Variants in SUSD1 observed in about 807,000 individuals in gnomAD.
The protein encoded by SUSD1 is sushi domain containing 1.
A neutral mutation model predicts 86.9 loss-of-function variants in SUSD1; 65 were observed. That is an observed-to-expected ratio of 0.75 (90% CI 0.61 to 0.92). SUSD1 has a LOEUF of 0.92. Ranked by LOEUF, SUSD1 falls within the 40% of genes least tolerant of loss-of-function variation. SUSD1 has a pLI of 0.00. For synonymous variants in SUSD1, 346 were observed against 350.0 expected (o/e 0.99, Z 0.13); for missense variants, 850 against 929.7 (o/e 0.91, Z 1.11).
chr9:112,133,515 T>C (rs894444076), intron 5 of SUSD1, among the ~76,000 whole-genome samples: 1 of 152,210 alleles, frequency 6.6e-6, no homozygotes, highest in Non-Finnish European at 1.5e-5. Context: ...GCTAGCCATA[T>C]GCAGAAGAAT....
intron 12 of SUSD1, among the ~76,000 whole-genome samples, chr9:112,069,503 C>T (rs73532417): frequency 0.011 from 1,606 of 152,280 alleles, 28 homozygotes; most frequent in African/African-American, 0.037. Flanking sequence ...CCCCTGGGAA[C>T]GTACCCCTTC....
At chr9:112,047,472 G>A (rs1193334119) in intron 15 of SUSD1, among the ~76,000 whole-genome samples, 1 of 152,164 alleles carries the variant, frequency 6.6e-6, no homozygotes, top group Non-Finnish European at 1.5e-5. Flanking sequence ...TGGAGAAGAA[G>A]CTGCTTCCAA....
At chr9:112,088,699 G>A (rs758880476) in intron 10 of SUSD1, among the ~76,000 whole-genome samples, 8 of 152,186 alleles carry the variant, frequency 5.3e-5, no homozygotes, top group Non-Finnish European at 1.2e-4. Flanking sequence ...GGCTGAGGTC[G>A]GAGGATCACT....
rs536738147 is a variant in SUSD1, at chr9:112,098,575, C to G, written c.1369G>C (p.Val457Leu). The G allele has an allele frequency of 6.2e-7, 1 of 1,614,086 alleles. No individual in the cohort carries two copies. Among genetic ancestry groups the G allele is most frequent in the Non-Finnish European group, 8.5e-7 (1 of 1,180,036 alleles). Reference protein sequence around the residue: ...NFTTREQVPVVCLDLYPTTDY... With the variant: ...NFTTREQVPVLCLDLYPTTDY... The stretch of plus-strand genomic sequence containing the variant: ...GTCGTAGGGTACAGATCCAAACACA[C>G]TACAGGCACTTGTTCCCTCGTTGTG... Residue 457 changes from valine to leucine, a missense_variant, in exon 10 of 17, where the codon GTG becomes CTG. Transcript: ENST00000374270.
rs1833277511 is a variant in SUSD1, at chr9:112,155,838, TGAA to T, written c.217+1659_217+1661del. ...GGGAAGAAGAAAAGGAAGAAGAGAA[TGAA>T]GAAGAAGAGGAAGAAGAATAAGAGG... On this transcript the variant is annotated intron_variant, in intron 2 of 16. Transcript: ENST00000374270. Among the ~76,000 whole-genome samples, 3 of 136,078 alleles carry T rather than the reference TGAA, an allele frequency of 2.2e-5. No individual in the cohort carries two copies. In the Admixed American group the frequency reaches 2.4e-4, roughly 11 times the overall value. 89.3% of individuals were successfully genotyped at this position (136,078 alleles called of 152,430 possible). A position where few individuals can be genotyped will look rare whatever the true frequency, so the allele number is the denominator to read the frequency against.
intron 11 of SUSD1, among the ~76,000 whole-genome samples, chr9:112,079,051 T>A (rs1829653211): frequency 6.6e-6 from 1 of 151,920 alleles, no homozygotes; most frequent in Non-Finnish European, 1.5e-5. Context: ...TGAGCTCTAG[T>A]GATCTGCCAC....
intron 2 of SUSD1, among the ~76,000 whole-genome samples, chr9:112,153,597 G>A (rs1454935947): frequency 6.7e-6 from 1 of 149,416 alleles, no homozygotes; most frequent in Non-Finnish European, 1.5e-5. Context: ...TCATTTTCAA[G>A]TATTACATAC....
At chr9:112,109,286 TTCCAGAGGGAAAAA>T (rs1830989228) in intron 8 of SUSD1, among the ~76,000 whole-genome samples, 1 of 152,148 alleles carries the variant, frequency 6.6e-6, no homozygotes, top group Admixed American at 6.5e-5. Flanking sequence ...ATATAAAGTA[TTCCAGAGGGAAAAA>T]CAATGGAAAA....
At chr9:112,117,226 A>G (rs966031254) in intron 6 of SUSD1, among the ~76,000 whole-genome samples, 3 of 152,224 alleles carry the variant, frequency 2.0e-5, no homozygotes, top group Admixed American at 6.5e-5. Context: ...CTAGCCAAGA[A>G]GGGCCTGGAG....
rs1260042854 is a variant in SUSD1 at position 112,174,875 on chromosome 9, C to T, written c.103+258G>A. 2.0e-5 allele frequency among the ~76,000 whole-genome samples: 3 copies of T among 151,878 alleles called. No homozygotes were observed. The East Asian group carries it at 5.8e-4, about 30-fold the overall frequency. ...TGGGCAGTGGAGGTCCCTGGGGGCC[C>T]GGCCAGGCCGCCTTAAAACCGGCGT... On this transcript the variant is annotated intron_variant, in intron 1 of 16. Transcript: ENST00000374270.
At position 112,096,430 on chromosome 9, in the gene SUSD1, C is replaced by T. The variant is rs116680453; in HGVS notation, c.1474+2040G>A. The stretch of plus-strand genomic sequence containing the variant: ...TTCAACAGCTAGAACACACTCTCCA[C>T]TCAGCAGGACACTCTGGCCAAGACT... On this transcript the variant is annotated intron_variant, in intron 10 of 16. Coordinates refer to ENST00000374270, the MANE Select transcript of SUSD1 (RefSeq NM_022486.5). Among the ~76,000 whole-genome samples the T allele has an allele frequency of 8.2e-3, 1,249 of 152,294 alleles. 16 individuals are homozygous for T. The highest frequency in any genetic ancestry group is 0.027 in the African/African-American group (1,136 of 41,558).
chr9:112,100,929 T>G (rs183667537), intron 9 of SUSD1, among the ~76,000 whole-genome samples: 141 of 151,884 alleles, frequency 9.3e-4, no homozygotes, highest in Admixed American at 1.7e-3. Flanking sequence ...ACTTTTATTA[T>G]TCCATTATTA....
At chr9:112,087,432 C>T (rs1344431271) in intron 10 of SUSD1, among the ~76,000 whole-genome samples, 9 of 152,094 alleles carry the variant, frequency 5.9e-5, no homozygotes, top group Non-Finnish European at 1.2e-4. Flanking sequence ...CCGCTCACCT[C>T]GGCCTCCCAA....
At chr9:112,089,248 T>C (rs1008017369) in intron 10 of SUSD1, among the ~76,000 whole-genome samples, 1 of 152,052 alleles carries the variant, frequency 6.6e-6, no homozygotes, top group Non-Finnish European at 1.5e-5. Flanking sequence ...TAAAAATTAA[T>C]AAATAAAGCA....
At chr9:112,102,320 C>T (rs1413987568) in intron 8 of SUSD1, 35 bp from the exon 9 acceptor site, 3 of 1,256,396 alleles carry the variant, frequency 2.4e-6, no homozygotes, top group Non-Finnish European at 3.3e-6. Context: ...AGACAGCTTG[C>T]ACCATCTTAG....
Position 112,078,967 on chromosome 9 carries a change from C to G in SUSD1, c.1567-243G>C, listed in dbSNP as rs141201983. On this transcript the variant is annotated intron_variant, in intron 11 of 16. Transcript: ENST00000374270. ...TAACTGGGACCACAGATGCATGCCA[C>G]CACATCCAGCTAATTTTTGTATTTT... is the stretch of plus-strand genomic sequence containing the variant. Among the ~76,000 whole-genome samples the G allele has an allele frequency of 5.6e-3, 858 of 152,054 alleles. 5 individuals carry two copies. Among genetic ancestry groups the G allele is most frequent in the Non-Finnish European group, 8.7e-3 (590 of 67,982 alleles).
chr9:112,074,742 C>T (rs1010138703), intron 12 of SUSD1, among the ~76,000 whole-genome samples: 3 of 151,670 alleles, frequency 2.0e-5, no homozygotes, highest in African/African-American at 7.3e-5. Flanking sequence ...TATCTCTGCA[C>T]ATCAACACAT....
At chr9:112,138,264 T>TACATATATATATATATGTATATAC (rs1564329029) in intron 5 of SUSD1, among the ~76,000 whole-genome samples, 3 of 61,814 alleles carry the variant, frequency 4.9e-5, no homozygotes, top group East Asian at 6.2e-4. Flanking sequence ...TATGTGTATA[T>TACATATATATATATATGTATATAC]ACATATATAT....
chr9:112,078,700 A>C lies in SUSD1; in HGVS notation c.1591T>G (p.Tyr531Asp). The change falls in exon 12 of 17, where the codon TAT (tyrosine) becomes GAT (aspartate). Residue 531 changes from tyrosine to aspartate, a missense_variant. Physicochemically the swap from Tyr to Asp is radical, Grantham distance 160. Transcript: ENST00000374270. Reference sequence around the variant, plus strand: ...ATTTCCTGGGCAAATTCCTTCTGATACCATCTCTGGCCCCAAATGTGGAAC... The same window carrying C: ...ATTTCCTGGGCAAATTCCTTCTGATCCCATCTCTGGCCCCAAATGTGGAAC... ...YLFHIWGQRWYQKEFAQEMTF... is the reference protein window; with the variant it reads ...YLFHIWGQRWDQKEFAQEMTF... 6.2e-7 allele frequency: 1 copy of C among 1,613,384 alleles called. No individual in the cohort carries two copies. The highest frequency in any genetic ancestry group is 8.5e-7 in the Non-Finnish European group (1 of 1,179,504).
Sources: gnomAD v4.1 joint callset for allele counts (sites outside exome capture counted in the v4.1 genomes callset) on GRCh38, gnomAD v4.1.1 for gene constraint, MANE v1.5 for transcripts, NCBI Gene and HGNC (gene_info 2026-07-23, HGNC 2026-07-21) for gene names.